RASSF6: variants seen among roughly 807,000 people sequenced by gnomAD.
RASSF6 encodes Ras association domain family member 6.
Under a neutral mutation model 44.0 loss-of-function variants are expected in RASSF6, and 52 were observed. That is an observed-to-expected ratio of 1.18 (90% CI 0.95 to 1.49). The LOEUF is 1.49. Among genes scored for constraint, RASSF6 ranks in the 40% most tolerant of loss-of-function variants. The pLI is 0.00. For missense variants in RASSF6, 464 were observed against 393.3 expected (o/e 1.18, Z -1.52); for synonymous variants, 162 against 124.6 (o/e 1.30, Z -2.00).
intron 3 of RASSF6, among the ~76,000 whole-genome samples, chr4:73,595,241 C>G (rs1724852473): frequency 6.6e-6 from 1 of 152,156 alleles, no homozygotes; most frequent in African/African-American, 2.4e-5. Context: ...GTCACCCAGG[C>G]TGGAGTACAG....
intron 4 of RASSF6, among the ~76,000 whole-genome samples, chr4:73,589,067 ATC>A (rs1318215619): frequency 6.6e-6 from 1 of 152,110 alleles, no homozygotes; most frequent in Non-Finnish European, 1.5e-5. Flanking sequence ...GTCATCCCTT[ATC>A]CTCTTTACTT....
rs1401058611 is a variant in RASSF6 at position 73,573,542 on chromosome 4, T to C, written c.*2693A>G. ...TCTTTGCAGAATGTCTTTGTATCTC[T>C]GGTTATTTTCATATGATAGGATCTT... is the stretch of plus-strand genomic sequence containing the variant. On this transcript the variant is annotated 3_prime_UTR_variant, in exon 11 of 11. Coordinates refer to ENST00000307439, the MANE Select transcript of RASSF6 (RefSeq NM_177532.5). 1 of 152,228 alleles carries C rather than the reference T, an allele frequency of 6.6e-6. No homozygotes were observed. Among genetic ancestry groups the C allele is most frequent in the Admixed American group, 6.5e-5 (1 of 15,282 alleles). The allele number at this position is 152,228 out of a possible 1,614,324, so 9.4% of individuals were successfully genotyped here.
intron 3 of RASSF6, among the ~76,000 whole-genome samples, chr4:73,594,662 C>T (rs1724812591): frequency 6.6e-6 from 1 of 152,178 alleles, no homozygotes; most frequent in Admixed American, 6.5e-5. Flanking sequence ...CAAAGTTTTG[C>T]ACTTCTTCCA....
In RASSF6 at chr4:73,575,337, A is replaced by T. The variant is rs1408604119; in HGVS notation, c.*898T>A. 2.0e-5 allele frequency: 3 copies of T among 151,894 alleles called. No homozygotes were observed. The highest frequency in any genetic ancestry group is 6.6e-5 in the Admixed American group (1 of 15,234). 9.4% of individuals were successfully genotyped at this position (151,894 alleles called of 1,614,324 possible). The stretch of plus-strand genomic sequence containing the variant: ...AAGTGGGTTAAACAGATCTGTGAGT[A>T]CCTTGAGAGTTGTCATGTAGAATAA... On this transcript the variant is annotated 3_prime_UTR_variant, in exon 11 of 11. Coordinates refer to ENST00000307439, the MANE Select transcript of RASSF6 (RefSeq NM_177532.5).
In RASSF6 at chr4:73,608,277, G is replaced by A. The variant is rs192111623; in HGVS notation, c.65+3454C>T. Reference sequence around the variant, plus strand: ...TCTTGGGCAGACAAATGATCTCATCGTTTTTAAACCTCCTTAATTGATAAA... The same window carrying A: ...TCTTGGGCAGACAAATGATCTCATCATTTTTAAACCTCCTTAATTGATAAA... On this transcript the variant is annotated intron_variant, in intron 2 of 10. Transcript: ENST00000307439. 9.9e-5 allele frequency among the ~76,000 whole-genome samples: 15 copies of A among 151,694 alleles called. No homozygotes were observed. In the East Asian group the frequency reaches 1.2e-3, roughly 12 times the overall value.
chr4:73,582,640 A>G (rs1467533729), intron 6 of RASSF6, among the ~76,000 whole-genome samples: 2 of 152,094 alleles, frequency 1.3e-5, no homozygotes, highest in African/African-American at 2.4e-5. Flanking sequence ...GTAAGGATTT[A>G]TTTCCACATA....
intron 8 of RASSF6, among the ~76,000 whole-genome samples, chr4:73,581,285 C>T (rs920537295): frequency 2.4e-4 from 36 of 152,120 alleles, no homozygotes; most frequent in Admixed American, 6.6e-5. Context: ...CTATTATGCT[C>T]CTAGCATCCC....
intron 3 of RASSF6, among the ~76,000 whole-genome samples, chr4:73,597,091 G>T (rs1296058625): frequency 2.0e-5 from 3 of 152,152 alleles, no homozygotes; most frequent in Non-Finnish European, 4.4e-5. Context: ...GATGCCAAAA[G>T]CAATTGCAAC....
In RASSF6 at chr4:73,576,491, T is replaced by G; in HGVS notation, c.857A>C (p.Asn286Thr). ...GGATTCCAAGAGAGAAAAGTGAAAG[T>G]TAATGTACTGAGCCACCTAAGAAAG... ...EISSDVAQYI[N>T]FHFSLLESIL... The change falls in exon 10 of 11, where the codon AAC becomes ACC. Residue 286 changes from asparagine to threonine, a missense_variant. Transcript: ENST00000307439. 6.3e-7 allele frequency: 1 copy of G among 1,581,428 alleles called. No homozygotes were observed. The highest frequency in any genetic ancestry group is 8.6e-7 in the Non-Finnish European group (1 of 1,162,730).
Position 73,618,349 on chromosome 4 carries a change from C to T in RASSF6, c.-35+1939G>A, listed in dbSNP as rs1257911444. On this transcript the variant is annotated intron_variant, in intron 1 of 10. Transcript: ENST00000307439. Reference sequence around the variant, plus strand: ...AACAGATTTTAACTAGAAAGACTTCCACCCAGTTACGGTTAAGTAGATTAA... The same window carrying T: ...AACAGATTTTAACTAGAAAGACTTCTACCCAGTTACGGTTAAGTAGATTAA... Among the ~76,000 whole-genome samples, 5 of 71,210 alleles carry T rather than the reference C, an allele frequency of 7.0e-5. No individual in the cohort carries two copies. The East Asian group carries it at 1.4e-3, about 20-fold the overall frequency. The allele number at this position is 71,210 out of a possible 152,430, so 46.7% of individuals were successfully genotyped here. A position where few individuals can be genotyped will look rare whatever the true frequency, so the allele number is the denominator to read the frequency against.
At chr4:73,593,316 A>G (rs1724706550) in intron 4 of RASSF6, 135 bp downstream of exon 4, 3 of 920,218 alleles carry the variant, frequency 3.3e-6, no homozygotes, top group African/African-American at 1.7e-5. Flanking sequence ...GTGCCCGGCC[A>G]TTGCTGGGAA....
In RASSF6 at chr4:73,576,394, C is replaced by A. The variant is rs1454101656; in HGVS notation, c.938+16G>T. The A allele has an allele frequency of 6.7e-7, 1 of 1,499,748 alleles. No homozygotes were observed. Among genetic ancestry groups the A allele is most frequent in the African/African-American group, 1.4e-5 (1 of 71,948 alleles). The allele number at this position is 1,499,748 out of a possible 1,614,324, so 92.9% of individuals were successfully genotyped here. On this transcript the variant is annotated intron_variant, in intron 10 of 10. Transcript: ENST00000307439. The stretch of plus-strand genomic sequence containing the variant: ...ATTAAAGAACGGAGTATCCAATGTG[C>A]ATGCTCTTGACTTACTTTGTTACTA...
chr4:73,615,575 G>A (rs1421692668), intron 1 of RASSF6, among the ~76,000 whole-genome samples: 3 of 152,126 alleles, frequency 2.0e-5, no homozygotes, highest in Non-Finnish European at 4.4e-5. Context: ...TAGGCCCTGG[G>A]GCCAGAGATT....
chr4:73,612,799 C>T (rs200209894), intron 1 of RASSF6, among the ~76,000 whole-genome samples: 1 of 152,142 alleles, frequency 6.6e-6, no homozygotes, highest in East Asian at 1.9e-4. Context: ...TATTTGGTCA[C>T]AAACCATCTT....
chr4:73,585,135 G>A (rs929726581), intron 6 of RASSF6, 45 bp downstream of exon 6: 9 of 1,367,224 alleles, frequency 6.6e-6, no homozygotes, highest in Middle Eastern at 2.4e-4. Flanking sequence ...AGTGAAACAG[G>A]GAACCTTATT....
chr4:73,598,742 ACAAT>A, intron 2 of RASSF6, 24 bp from the exon 3 acceptor site: 2 of 1,041,452 alleles, frequency 1.9e-6, no homozygotes, highest in Non-Finnish European at 2.8e-6. Context: ...AAAATTAATT[ACAAT>A]CAGTCTTAGA....
At chr4:73,614,669 A>C (rs1038929167) in intron 1 of RASSF6, among the ~76,000 whole-genome samples, 1 of 152,228 alleles carries the variant, frequency 6.6e-6, no homozygotes, top group African/African-American at 2.4e-5. Context: ...AGATATCATT[A>C]AAGAGGGCAA....
chr4:73,597,906 G>C (rs2149384751), intron 3 of RASSF6, among the ~76,000 whole-genome samples: 1 of 152,284 alleles, frequency 6.6e-6, no homozygotes, highest in Non-Finnish European at 1.5e-5. Flanking sequence ...ATAAGTGGGA[G>C]CTAAAGGATA....
intron 6 of RASSF6, among the ~76,000 whole-genome samples, chr4:73,584,108 T>G (rs1723894332): frequency 6.6e-6 from 1 of 152,092 alleles, no homozygotes; most frequent in South Asian, 2.1e-4. Context: ...AATGCTACTT[T>G]ATAGCTATGA....
Sources: allele counts gnomAD v4.1 joint callset (sites outside exome capture counted in the v4.1 genomes callset), GRCh38; gene constraint gnomAD v4.1.1; transcripts MANE v1.5; gene names NCBI Gene and HGNC (gene_info 2026-07-23, HGNC 2026-07-21).